Variants in CLYBL observed in about 807,000 individuals in gnomAD.
The protein encoded by CLYBL is citramalyl-CoA lyase, mitochondrial.
CLYBL carries 31 observed loss-of-function variants against 38.9 expected under a neutral mutation model. The observed-to-expected ratio is 0.80, with a 90% CI of 0.60 to 1.08. The LOEUF is 1.08. CLYBL is among the 50% of genes least tolerant of loss of function. The pLI is 0.00. For synonymous variants in CLYBL, 171 were observed against 158.6 expected (o/e 1.08, Z -0.59); for missense variants, 434 against 411.6 (o/e 1.05, Z -0.47).
At chr13:99,710,827 C>T (rs1789730572) in intron 1 of CLYBL, among the ~76,000 whole-genome samples, 2 of 151,258 alleles carry the variant, frequency 1.3e-5, no homozygotes, top group South Asian at 4.2e-4. Context: ...GCTTTGTAAG[C>T]ACATCTCCTT....
rs868849261 is a variant in CLYBL, at chr13:99,709,812, A to C, written c.63-63012A>C. Among the ~76,000 whole-genome samples, 212 of 151,706 alleles carry C rather than the reference A, an allele frequency of 1.4e-3. 1 individual carries two copies. The highest frequency in any genetic ancestry group is 4.9e-3 in the African/African-American group (202 of 41,390). On this transcript the variant is annotated intron_variant, in intron 1 of 8. Coordinates refer to ENST00000339105, the MANE Select transcript of CLYBL (RefSeq NM_206808.5). ...TTCTTTCAATAAATAGGGGATGCAG[A>C]GAAGCAGCTTTGTGGAGTGAAGCAG...
chr13:99,882,253 T>C lies in CLYBL; in HGVS notation c.928-9065T>C, dbSNP rs572564297. On this transcript the variant is annotated intron_variant, in intron 7 of 8. Coordinates refer to ENST00000339105, the MANE Select transcript of CLYBL (RefSeq NM_206808.5). ...GGGTAAAAAGCCTTAGATTCTAGTC[T>C]CGTCCTCTTAAGTTCCTTTATAAGA... 3.8e-4 allele frequency among the ~76,000 whole-genome samples: 58 copies of C among 152,332 alleles called. 1 individual carries two copies. Among genetic ancestry groups the C allele is most frequent in the African/African-American group, 1.3e-3 (53 of 41,574 alleles).
At chr13:99,649,898 CA>C (rs2047226071) in intron 1 of CLYBL, among the ~76,000 whole-genome samples, 1 of 150,872 alleles carries the variant, frequency 6.6e-6, no homozygotes, top group Admixed American at 6.6e-5. Flanking sequence ...TATGATGCTT[CA>C]TGAAAAAAAA....
At chr13:99,674,497 GGA>G (rs1281485598) in intron 1 of CLYBL, among the ~76,000 whole-genome samples, 5 of 152,020 alleles carry the variant, frequency 3.3e-5, no homozygotes, top group African/African-American at 1.2e-4. Flanking sequence ...GCAGTTTTGG[GGA>G]GAGAGGCTGG....
At chr13:99,771,059 G>A (rs1341951359) in intron 1 of CLYBL, among the ~76,000 whole-genome samples, 2 of 128,044 alleles carry the variant, frequency 1.6e-5, no homozygotes, top group African/African-American at 6.2e-5. Context: ...TTTGAGGCAA[G>A]GTATTGCTCT....
At chr13:99,868,610 T>C (rs1327132381) in intron 6 of CLYBL, among the ~76,000 whole-genome samples, 3 of 152,230 alleles carry the variant, frequency 2.0e-5, no homozygotes, top group Non-Finnish European at 4.4e-5. Context: ...TAATGAGTTG[T>C]AGTTTTTAAA....
At chr13:99,664,151 A>T (rs937369039) in intron 1 of CLYBL, among the ~76,000 whole-genome samples, 2 of 152,240 alleles carry the variant, frequency 1.3e-5, no homozygotes, top group African/African-American at 4.8e-5. Flanking sequence ...GTGGTCATAG[A>T]TGTGGAGCTT....
intron 1 of CLYBL, among the ~76,000 whole-genome samples, chr13:99,703,542 T>TAGGA (rs2048102187): frequency 6.6e-6 from 1 of 152,142 alleles, no homozygotes; most frequent in Admixed American, 6.6e-5. Context: ...GCTAATTTTT[T>TAGGA]GTATTTTTAG....
chr13:99,607,007 G>A (rs2046536333), intron 1 of CLYBL, among the ~76,000 whole-genome samples: 1 of 152,202 alleles, frequency 6.6e-6, no homozygotes, highest in African/African-American at 2.4e-5. Context: ...CCTGGACTCA[G>A]CCCCAGGAAA....
chr13:99,614,389 T>A (rs911576375), intron 1 of CLYBL, among the ~76,000 whole-genome samples: 4 of 152,150 alleles, frequency 2.6e-5, no homozygotes, highest in Non-Finnish European at 5.9e-5. Flanking sequence ...GGCAGTTGTA[T>A]GCACATCATG....
At chr13:99,735,306 G>A (rs2253561) in intron 1 of CLYBL, among the ~76,000 whole-genome samples, 8,581 of 152,044 alleles carry the variant, frequency 0.056, 287 homozygotes, top group East Asian at 0.11. Context: ...CCATCCTCCC[G>A]CCTCAGCCTC....
chr13:99,741,907 C>A (rs1366833995), intron 1 of CLYBL, among the ~76,000 whole-genome samples: 1 of 152,156 alleles, frequency 6.6e-6, no homozygotes, highest in Non-Finnish European at 1.5e-5. Context: ...TCCATTCTAC[C>A]ATTCTGCATC....
At chr13:99,809,719 C>T (rs1389370199) in intron 2 of CLYBL, among the ~76,000 whole-genome samples, 1 of 152,250 alleles carries the variant, frequency 6.6e-6, no homozygotes, top group Admixed American at 6.5e-5. Context: ...TAATGAGCTG[C>T]CTTCCAAGGC....
At chr13:99,612,180 T>C (rs1390717241) in intron 1 of CLYBL, among the ~76,000 whole-genome samples, 3 of 152,188 alleles carry the variant, frequency 2.0e-5, no homozygotes, top group Non-Finnish European at 4.4e-5. Context: ...TTTTCTCTGT[T>C]TTTTATTTTA....
At chr13:99,667,311 TTG>T (rs1170963626) in intron 1 of CLYBL, among the ~76,000 whole-genome samples, 1 of 152,112 alleles carries the variant, frequency 6.6e-6, no homozygotes, top group Non-Finnish European at 1.5e-5. Flanking sequence ...AGCTCGTAAC[TTG>T]TCATTTTCAT....
At chr13:99,859,220 G>A (rs983030526) in intron 3 of CLYBL, among the ~76,000 whole-genome samples, 171 bp downstream of exon 3, 3 of 152,172 alleles carry the variant, frequency 2.0e-5, no homozygotes, top group South Asian at 2.1e-4. Flanking sequence ...AGGAAAACTC[G>A]CCTTTGCCCA....
chr13:99,787,800 A>G (rs1345650338), intron 2 of CLYBL, among the ~76,000 whole-genome samples: 1 of 152,142 alleles, frequency 6.6e-6, no homozygotes, highest in Admixed American at 6.6e-5. Context: ...CAGTATGGCC[A>G]TTTTCACGAT....
chr13:99,762,823 G>T (rs2049190839), intron 1 of CLYBL, among the ~76,000 whole-genome samples: 1 of 152,080 alleles, frequency 6.6e-6, no homozygotes, highest in African/African-American at 2.4e-5. Flanking sequence ...ATTTTTTGAT[G>T]TGTCCTCCAA....
At chr13:99,894,877 C>G (rs1384900315), downstream of CLYBL, 2 of 151,986 alleles carry the variant, frequency 1.3e-5, no homozygotes, top group African/African-American at 4.8e-5. Flanking sequence ...GAACTCCAGT[C>G]AGAGTCAGGC....
Sources: allele counts gnomAD v4.1 joint callset (sites outside exome capture counted in the v4.1 genomes callset), GRCh38; gene constraint gnomAD v4.1.1; transcripts MANE v1.5; gene names NCBI Gene and HGNC (gene_info 2026-07-23, HGNC 2026-07-21).